PEX5L: variants seen among roughly 807,000 people sequenced by gnomAD.
The protein encoded by PEX5L is peroxisomal biogenesis factor 5 like.
A neutral mutation model predicts 84.0 loss-of-function variants in PEX5L; 30 were observed. The ratio of observed to expected loss-of-function variants is 0.36; its 90% CI spans 0.27 to 0.48. The LOEUF is 0.48. PEX5L is among the 20% of genes least tolerant of loss of function. PEX5L has a pLI of 0.99. For synonymous variants in PEX5L, 270 were observed against 283.1 expected, an observed-to-expected ratio of 0.95 and a Z score of 0.46; for missense variants, 533 against 754.6, an observed-to-expected ratio of 0.71 and a Z score of 3.44.
chr3:179,876,742 A>T (rs1752554863), intron 5 of PEX5L, among the ~76,000 whole-genome samples: 1 of 152,072 alleles, frequency 6.6e-6, no homozygotes, highest in African/African-American at 2.4e-5. Flanking sequence ...CCCCTCCCCC[A>T]CAAACCCTGG....
At chr3:179,852,318 A>G (rs1044500488) in intron 8 of PEX5L, among the ~76,000 whole-genome samples, 7 of 152,130 alleles carry the variant, frequency 4.6e-5, no homozygotes, top group African/African-American at 1.7e-4. Flanking sequence ...AGCTGGGTTT[A>G]CCCCAGAGTG....
intron 8 of PEX5L, among the ~76,000 whole-genome samples, chr3:179,835,855 G>A (rs1310369446): frequency 1.3e-5 from 2 of 152,138 alleles, no homozygotes; most frequent in African/African-American, 2.4e-5. Flanking sequence ...TGGGTGTTAG[G>A]AGAGTATTTT....
At chr3:180,003,050 C>T (rs1010702800) in intron 1 of PEX5L, among the ~76,000 whole-genome samples, 2 of 151,988 alleles carry the variant, frequency 1.3e-5, no homozygotes, top group Non-Finnish European at 2.9e-5. Context: ...GAGAAAAGAA[C>T]GATAAAAATC....
intron 1 of PEX5L, among the ~76,000 whole-genome samples, chr3:180,024,462 G>A (rs549996859): frequency 1.7e-4 from 25 of 147,530 alleles, no homozygotes; most frequent in African/African-American, 4.0e-4. Flanking sequence ...GGAGAATGGC[G>A]TGAACCCAGG....
intron 9 of PEX5L, among the ~76,000 whole-genome samples, chr3:179,818,059 A>G (rs1726834384): frequency 6.6e-6 from 1 of 152,178 alleles, no homozygotes; most frequent in African/African-American, 2.4e-5. Flanking sequence ...AGACATTTTA[A>G]TGACTATGTA....
In PEX5L at chr3:179,798,215, A is replaced by G. The variant is rs1487371189; in HGVS notation, c.*3613T>C. 1 of 152,216 alleles carries G rather than the reference A, an allele frequency of 6.6e-6. No homozygotes were observed. Among genetic ancestry groups the G allele is most frequent in the African/African-American group, 2.4e-5 (1 of 41,458 alleles). The allele number at this position is 152,216 out of a possible 1,614,324, so 9.4% of individuals were successfully genotyped here. A position where few individuals can be genotyped will look rare whatever the true frequency, so the allele number is the denominator to read the frequency against. The stretch of plus-strand genomic sequence containing the variant: ...AAGTGAGTTTGTGAAACGTAAGTGG[A>G]CATTCCTACCCAGTTATGTTTCCTT... On this transcript the variant is annotated 3_prime_UTR_variant, in exon 15 of 15. Transcript: ENST00000467460.
chr3:179,911,166 T>C (rs1765043935), intron 2 of PEX5L, among the ~76,000 whole-genome samples: 1 of 152,172 alleles, frequency 6.6e-6, no homozygotes, highest in African/African-American at 2.4e-5. Flanking sequence ...GAGGTTTGCT[T>C]TAACTGACAA....
At chr3:179,879,864 T>C (rs2108774162) in intron 5 of PEX5L, 65 bp downstream of exon 5, 6 of 1,164,430 alleles carry the variant, frequency 5.2e-6, no homozygotes, top group Non-Finnish European at 7.2e-6. Context: ...TTGGTGGAAA[T>C]TTCCTCTTGT....
At chr3:179,974,920 G>A (rs935117751) in intron 1 of PEX5L, among the ~76,000 whole-genome samples, 21 of 152,162 alleles carry the variant, frequency 1.4e-4, no homozygotes, top group Non-Finnish European at 2.6e-4. Context: ...ATATAGGCCA[G>A]GTATGGTAGC....
chr3:179,801,548 T>A lies in PEX5L; in HGVS notation c.*280A>T, dbSNP rs1231929876. On this transcript the variant is annotated 3_prime_UTR_variant, in exon 15 of 15. Transcript: ENST00000467460. ...ACATGTGTTGCAATATGCTTGCAAC[T>A]TGTGGAAAGAGTATTCAACACACAG... 1 of 345,460 alleles carries A rather than the reference T, an allele frequency of 2.9e-6. No homozygotes were observed. Among genetic ancestry groups the A allele is most frequent in the Non-Finnish European group, 5.3e-6 (1 of 188,366 alleles). The allele number at this position is 345,460 out of a possible 1,614,324, so 21.4% of individuals were successfully genotyped here. A position where few individuals can be genotyped will look rare whatever the true frequency, so the allele number is the denominator to read the frequency against.
rs1188106662 is a variant in PEX5L at position 179,809,653 on chromosome 3, C to T, written c.1170G>A (p.Gln390=). ...CCATCAAAGCTTTTAAGTTGTTGGG[C>T]TGTAATTCTAAGCACCTGAAAAAAA... is the stretch of plus-strand genomic sequence containing the variant. ...IVALQRCLEL[Q]PNNLKALMAL... The change falls in exon 12 of 15, where the codon CAG becomes CAA. Residue 390 remains glutamine (Q), a synonymous_variant. Coordinates refer to ENST00000467460, the MANE Select transcript of PEX5L (RefSeq NM_016559.3). 3 of 1,596,224 alleles carry T rather than the reference C, an allele frequency of 1.9e-6. No homozygotes were observed. The highest frequency in any genetic ancestry group is 1.1e-5 in the South Asian group (1 of 88,618).
intron 2 of PEX5L, among the ~76,000 whole-genome samples, chr3:179,904,021 A>C (rs902202404): frequency 6.6e-6 from 1 of 152,236 alleles, no homozygotes; most frequent in Non-Finnish European, 1.5e-5. Context: ...ACAATCCATG[A>C]TGAATTTACC....
At chr3:180,023,498 G>A (rs1265681751) in intron 1 of PEX5L, among the ~76,000 whole-genome samples, 1 of 152,106 alleles carries the variant, frequency 6.6e-6, no homozygotes, top group African/African-American at 2.4e-5. Context: ...CTCGATGTTA[G>A]CAAAATTTTA....
At chr3:179,962,245 A>G (rs1189847346) in intron 2 of PEX5L, among the ~76,000 whole-genome samples, 1 of 152,192 alleles carries the variant, frequency 6.6e-6, no homozygotes, top group Non-Finnish European at 1.5e-5. Flanking sequence ...TCTTACCAAC[A>G]TGGGACATTT....
intron 1 of PEX5L, among the ~76,000 whole-genome samples, chr3:180,031,809 G>T (rs1439673165): frequency 6.6e-6 from 1 of 152,226 alleles, no homozygotes; most frequent in Non-Finnish European, 1.5e-5. Context: ...AGGATTGGCA[G>T]TGGTAATACT....
intron 1 of PEX5L, among the ~76,000 whole-genome samples, chr3:180,006,961 AT>A (rs1468999083): frequency 6.6e-6 from 1 of 152,146 alleles, no homozygotes; most frequent in East Asian, 1.9e-4. Flanking sequence ...ATGTCCTTAC[AT>A]TTCAAAATCA....
intron 1 of PEX5L, among the ~76,000 whole-genome samples, chr3:179,992,094 A>G (rs1047737582): frequency 3.3e-5 from 5 of 152,208 alleles, no homozygotes; most frequent in African/African-American, 4.8e-5. Context: ...ATCAGACCCC[A>G]GAGAACAAAT....
chr3:179,872,135 C>T lies in PEX5L; in HGVS notation c.726+2192G>A, dbSNP rs77402208. On this transcript the variant is annotated intron_variant, in intron 7 of 14. Coordinates refer to ENST00000467460, the MANE Select transcript of PEX5L (RefSeq NM_016559.3). Reference sequence around the variant, plus strand: ...CCTGGGCTCAAGTGATCTACTGCCTCGGCCTACCAAAGTGTTGGGATTACA... The same window carrying T: ...CCTGGGCTCAAGTGATCTACTGCCTTGGCCTACCAAAGTGTTGGGATTACA... Among the ~76,000 whole-genome samples the T allele has an allele frequency of 1.5e-3, 222 of 152,304 alleles. 1 individual carries two copies. Among genetic ancestry groups the T allele is most frequent in the African/African-American group, 5.2e-3 (215 of 41,566 alleles).
intron 1 of PEX5L, among the ~76,000 whole-genome samples, chr3:180,005,246 T>C (rs1193095504): frequency 6.6e-6 from 1 of 151,614 alleles, no homozygotes; most frequent in Admixed American, 6.5e-5. Context: ...GAGCGGGGAT[T>C]TTAAAAAGTT....
Sources: allele counts gnomAD v4.1 joint callset (sites outside exome capture counted in the v4.1 genomes callset), GRCh38; gene constraint gnomAD v4.1.1; transcripts MANE v1.5; gene names NCBI Gene and HGNC (gene_info 2026-07-23, HGNC 2026-07-21).